Variants in XPO5 observed in about 807,000 individuals in gnomAD.
XPO5 encodes the protein exportin-5.
In XPO5, 46 loss-of-function variants were observed where a neutral mutation model predicts 160.6. The observed-to-expected ratio is 0.29, with a 90% CI of 0.23 to 0.37. The LOEUF is 0.37. Ranked by LOEUF, XPO5 falls within the 10% of genes least tolerant of loss-of-function variation. XPO5 has a pLI of 1.00. For synonymous variants in XPO5, 537 were observed against 519.3 expected (o/e 1.03, Z -0.46); for missense variants, 1,090 against 1,463.9 (o/e 0.74, Z 4.17).
At chr6:43,530,639 C>T in intron 23 of XPO5, 49 bp downstream of exon 23, 2 of 1,599,922 alleles carry the variant, frequency 1.3e-6, no homozygotes, top group Non-Finnish European at 1.7e-6. Context: ...TTGTTTCTCT[C>T]TCTAATTTTC....
rs556596905 is a variant in XPO5 at position 43,570,628 on chromosome 6, C to T, written c.495G>A (p.Val165=). The change falls in exon 5 of 32, where the codon GTG becomes GTA. Residue 165 remains valine, a synonymous_variant. Transcript: ENST00000265351. ...TTTGAGGGGGAAGTGTCTGAAAAGT[C>T]ACTACATCCTCTGCCAGTCGCAAAA... ...FILLRLAEDV[V]TFQTLPPQRR... is the part of the protein sequence containing the mutation. 1.9e-5 allele frequency: 31 copies of T among 1,613,728 alleles called. 1 individual carries two copies. The South Asian group carries it at 3.3e-4, about 17-fold the overall frequency.
chr6:43,547,505 C>T (rs1264158173), intron 19 of XPO5, 103 bp downstream of exon 19: 14 of 1,035,968 alleles, frequency 1.4e-5, no homozygotes, highest in Non-Finnish European at 2.1e-5. Flanking sequence ...TCCCACGTTT[C>T]TCACCAGTAT....
At chr6:43,553,786 G>A (rs953345059) in intron 13 of XPO5, 5 of 310,122 alleles carry the variant, frequency 1.6e-5, no homozygotes. Flanking sequence ...ACCATTTTGA[G>A]TAATGAATGA....
chr6:43,530,520 T>A (rs868040884), intron 23 of XPO5, among the ~76,000 whole-genome samples, 168 bp downstream of exon 23: 1 of 152,206 alleles, frequency 6.6e-6, no homozygotes, highest in African/African-American at 2.4e-5. Flanking sequence ...ACTGCCTTCA[T>A]GTTTTCCCTG....
rs753547042 is a variant in XPO5, at chr6:43,548,330, C to T, written c.1991G>A (p.Arg664His). ...LISNQFKNYE[R>H]QKVFLEELMA... ...CAGCTCCTCTAGGAACACCTTCTGA[C>T]GCTCGTAGTTCTTAAATTGGTTGCT... The change falls in exon 18 of 32, where the codon CGT becomes CAT. Residue 664 changes from arginine (R) to histidine (H), a missense_variant. Physicochemically the swap from Arg to His is conservative, Grantham distance 29 (BLOSUM62 0). Around this residue, in one of 3 missense-constraint regions of XPO5, gnomAD observed 810 missense variants for 1,139.0 expected, o/e 0.71. Transcript: ENST00000265351. 4.1e-5 allele frequency: 66 copies of T among 1,613,474 alleles called. No individual in the cohort carries two copies. The East Asian group carries it at 7.1e-4, about 17-fold the overall frequency.
intron 20 of XPO5, chr6:43,538,833 C>A (rs1397342752): frequency 7.1e-5 from 83 of 1,174,330 alleles, no homozygotes; most frequent in Non-Finnish European, 9.3e-5. Flanking sequence ...TATGTTGTAG[C>A]CACAGCTGGA....
intron 23 of XPO5, 131 bp downstream of exon 23, chr6:43,530,557 G>T: frequency 9.3e-7 from 1 of 1,076,726 alleles, no homozygotes. Context: ...TTAATGACAT[G>T]ATACACTTAG....
At position 43,526,764 on chromosome 6, in the gene XPO5, G is replaced by A; in HGVS notation, c.2921-17C>T. The A allele has an allele frequency of 1.2e-6, 2 of 1,612,564 alleles. No homozygotes were observed. The highest frequency in any genetic ancestry group is 1.1e-5 in the South Asian group (1 of 90,640). On this transcript the variant is annotated splice_polypyrimidine_tract_variant and intron_variant, in intron 26 of 31. Coordinates refer to ENST00000265351, the MANE Select transcript of XPO5 (RefSeq NM_020750.3). ...AGCAAACCGCTAAAGCAAGAAAGCAGGGTTACTAGGTGAAGGGTGGGTATA... is the reference window on the plus strand; with the variant it reads ...AGCAAACCGCTAAAGCAAGAAAGCAAGGTTACTAGGTGAAGGGTGGGTATA...
intron 20 of XPO5, among the ~76,000 whole-genome samples, chr6:43,535,160 T>G (rs1794238627): frequency 6.7e-6 from 1 of 149,410 alleles, no homozygotes; most frequent in Non-Finnish European, 1.5e-5. Flanking sequence ...GACGTGGTGG[T>G]GGGTGCCTGT....
intron 12 of XPO5, among the ~76,000 whole-genome samples, chr6:43,557,783 TAAAAAAA>T (rs59661301): frequency 1.1e-5 from 1 of 87,230 alleles, no homozygotes; most frequent in African/African-American, 4.2e-5. Flanking sequence ...AATAAAGCTG[TAAAAAAA>T]AAAAAAAAAA....
At chr6:43,556,315 A>G (rs1762085446) in intron 12 of XPO5, among the ~76,000 whole-genome samples, 1 of 152,074 alleles carries the variant, frequency 6.6e-6, no homozygotes, top group South Asian at 2.1e-4. Flanking sequence ...CTTGTGCCCA[A>G]GAGTTCAAAA....
chr6:43,534,062 T>A, intron 20 of XPO5, 55 bp from the exon 21 acceptor site: 1 of 1,413,786 alleles, frequency 7.1e-7, no homozygotes, highest in Non-Finnish European at 9.8e-7. Flanking sequence ...AAGGAAAGAG[T>A]GGGTTTTGCT....
chr6:43,553,636 G>A lies in XPO5; in HGVS notation c.1442-133C>T. 4 of 1,422,444 alleles carry A rather than the reference G, an allele frequency of 2.8e-6. No individual in the cohort carries two copies. In the South Asian group the frequency reaches 4.6e-5, roughly 17 times the overall value. 88.1% of individuals were successfully genotyped at this position (1,422,444 alleles called of 1,614,324 possible). A position where few individuals can be genotyped will look rare whatever the true frequency, so the allele number is the denominator to read the frequency against. On this transcript the variant is annotated intron_variant, in intron 13 of 31. Coordinates refer to ENST00000265351, the MANE Select transcript of XPO5 (RefSeq NM_020750.3). ...GAGAATTTCATGATTGAAGGAGCAG[G>A]GTAATCTAACCCCTCTCAGCTGGGG... is the stretch of plus-strand genomic sequence containing the variant.
chr6:43,555,095 C>G lies in XPO5; in HGVS notation c.1441+741G>C, dbSNP rs1761990229. ...TAGCTGGGATCACAGGCATGCGCCA[C>G]CACGGCAGCTAATTTTTTGTGTTTT... On this transcript the variant is annotated intron_variant, in intron 13 of 31. Coordinates refer to ENST00000265351, the MANE Select transcript of XPO5 (RefSeq NM_020750.3). 4 of 152,262 alleles carry G rather than the reference C, an allele frequency of 2.6e-5. No homozygotes were observed. In the South Asian group the frequency reaches 8.3e-4, roughly 32 times the overall value. The allele number at this position is 152,262 out of a possible 1,614,324, so 9.4% of individuals were successfully genotyped here. A position where few individuals can be genotyped will look rare whatever the true frequency, so the allele number is the denominator to read the frequency against.
Position 43,575,992 on chromosome 6 carries a change from G to C in XPO5, c.-128C>G, listed in dbSNP as rs1039371378. The C allele has an allele frequency of 9.4e-6, 8 of 847,084 alleles. No individual in the cohort carries two copies. Among genetic ancestry groups the C allele is most frequent in the Middle Eastern group, 4.6e-4 (2 of 4,356 alleles). 52.5% of individuals were successfully genotyped at this position (847,084 alleles called of 1,614,324 possible). A position where few individuals can be genotyped will look rare whatever the true frequency, so the allele number is the denominator to read the frequency against. ...GCGGCGGGGGTGGGAAGCTGGAGGA[G>C]GAGCGTTAGCAGCAACTCGCGCTGG... On this transcript the variant is annotated 5_prime_UTR_variant, in exon 1 of 32. Coordinates refer to ENST00000265351, the MANE Select transcript of XPO5 (RefSeq NM_020750.3).
chr6:43,560,440 A>C, intron 10 of XPO5, 137 bp from the exon 11 acceptor site: 1 of 1,108,122 alleles, frequency 9.0e-7, no homozygotes. Context: ...ACTGCAATTT[A>C]TCAGTAATGA....
Position 43,546,636 on chromosome 6 carries a change from T to G in XPO5, c.2277A>C (p.Pro759=), listed in dbSNP as rs765306530. The G allele has an allele frequency of 3.7e-6, 6 of 1,613,896 alleles. No homozygotes were observed. Among genetic ancestry groups the G allele is most frequent in the Admixed American group, 3.3e-5 (2 of 60,002 alleles). The change falls in exon 20 of 32, where the codon CCA becomes CCC. Residue 759 remains proline (P), a synonymous_variant. Coordinates refer to ENST00000265351, the MANE Select transcript of XPO5 (RefSeq NM_020750.3). Reference sequence around the variant, plus strand: ...GCTCTGTGCAGGGGTTACGGAAGATTGGATTTCCACTGGATGTATAACCCA... The same window carrying G: ...GCTCTGTGCAGGGGTTACGGAAGATGGGATTTCCACTGGATGTATAACCCA... ...FVVGYTSSGN[P]IFRNPCTEQI... is the part of the protein sequence containing the mutation.
intron 23 of XPO5, chr6:43,529,259 T>A (rs1313485028): frequency 1.5e-6 from 2 of 1,370,204 alleles, no homozygotes; most frequent in Non-Finnish European, 1.9e-6. Flanking sequence ...GTAAGAAAGA[T>A]TTGCTGGCTG....
In XPO5 at chr6:43,546,738, T is replaced by G. The variant is rs1419405122; in HGVS notation, c.2175A>C (p.Val725=). Reference sequence around the variant, plus strand: ...GTTTCACCACACCCAGAATGCTGTATACACAAAAGCTCATCTATAGAAAAA... The same window carrying G: ...GTTTCACCACACCCAGAATGCTGTAGACACAAAAGCTCATCTATAGAAAAA... ...GLNRARMSFC[V]YSILGVVKRT... Residue 725 remains valine (V), a synonymous_variant, in exon 20 of 32, where the codon GTA becomes GTC. Transcript: ENST00000265351. 1.3e-6 allele frequency: 2 copies of G among 1,593,498 alleles called. No individual in the cohort carries two copies. The highest frequency in any genetic ancestry group is 1.7e-6 in the Non-Finnish European group (2 of 1,173,288).
Sources: gnomAD v4.1 joint callset for allele counts (sites outside exome capture counted in the v4.1 genomes callset) on GRCh38, gnomAD v4.1.1 for gene constraint, gnomAD v4.1.1 regional missense constraint, MANE v1.5 for transcripts, NCBI Gene and HGNC (gene_info 2026-07-23, HGNC 2026-07-21) for gene names.